PABIR2: variants seen among roughly 807,000 people sequenced by gnomAD.
PABIR2 encodes the protein PABIR family member 2.
A neutral mutation model predicts 22.8 loss-of-function variants in PABIR2; 7 were observed. That is an observed-to-expected ratio of 0.31 (90% CI 0.17 to 0.58). The LOEUF is 0.58. PABIR2 is among the 20% of genes least tolerant of loss of function. PABIR2 has a pLI of 0.89. For missense variants in PABIR2, 155 were observed against 205.1 expected, an observed-to-expected ratio of 0.76 and a Z score of 1.49; for synonymous variants, 67 against 73.8, an observed-to-expected ratio of 0.91 and a Z score of 0.47.
intron 9 of PABIR2, among the ~76,000 whole-genome samples, chrX:134,775,518 C>CAAA (rs773542327): frequency 3.2e-4 from 8 of 25,187 alleles, no homozygotes; most frequent in Admixed American, 4.6e-4. Context: ...GACTCCGTCT[C>CAAA]AAAAAAAAAA....
At chrX:134,794,273 C>A (rs965648727) in intron 1 of PABIR2, among the ~76,000 whole-genome samples, 5 of 111,392 alleles carry the variant, frequency 4.5e-5, no homozygotes, top group Non-Finnish European at 9.4e-5. Context: ...TCTGTGTTTG[C>A]CATGATGCGA....
chrX:134,794,441 C>A (rs2079646692), intron 1 of PABIR2, among the ~76,000 whole-genome samples: 1 of 111,247 alleles, frequency 9.0e-6, no homozygotes, highest in Non-Finnish European at 1.9e-5. Context: ...CTCCTGCCAA[C>A]ATCTATTAAA....
chrX:134,796,146 C>T lies in PABIR2; in HGVS notation c.60G>A (p.Leu20=). 1 of 1,211,057 alleles carries T rather than the reference C, an allele frequency of 8.3e-7. No individual in the cohort carries two copies. The highest frequency in any genetic ancestry group is 2.2e-5 in the Admixed American group (1 of 45,964). Residue 20 remains leucine (L), a synonymous_variant, in exon 1 of 10, where the codon CTG becomes CTA. Transcript: ENST00000343004. ...TTAGGGGAGCGCTGCTGGATCTCCT[C>T]AGGGTTCCCCCATAAGATGTGTCAG... is the stretch of plus-strand genomic sequence containing the variant. ...LEPDTSYGGT[L]RRSSSAPLIH...
At chrX:134,789,429 G>A (rs750627230) in intron 3 of PABIR2, 151 bp downstream of exon 3, 12 of 828,356 alleles carry the variant, frequency 1.4e-5, no homozygotes, top group East Asian at 3.4e-5. Context: ...CATTCATGCC[G>A]CTTGTATATT....
chrX:134,770,129 G>A lies in PABIR2; in HGVS notation c.*2010C>T, dbSNP rs1182466088. The A allele has an allele frequency of 8.9e-6, 1 of 112,030 alleles. No individual in the cohort carries two copies. The highest frequency in any genetic ancestry group is 3.7e-4 in the South Asian group (1 of 2,693). 9.2% of individuals were successfully genotyped at this position (112,030 alleles called of 1,213,427 possible). A position where few individuals can be genotyped will look rare whatever the true frequency, so the allele number is the denominator to read the frequency against. On this transcript the variant is annotated 3_prime_UTR_variant, in exon 10 of 10. Transcript: ENST00000343004. Reference sequence around the variant, plus strand: ...TGTTAAGTTCGAGCCTAAAAATGATGGCCAAGTGTCCCTTTAAGGCAAAGA... The same window carrying A: ...TGTTAAGTTCGAGCCTAAAAATGATAGCCAAGTGTCCCTTTAAGGCAAAGA...
chrX:134,776,460 G>C (rs1167092796), intron 9 of PABIR2, among the ~76,000 whole-genome samples: 21 of 110,819 alleles, frequency 1.9e-4, no homozygotes, highest in Non-Finnish European at 1.9e-5. Flanking sequence ...CAGATTAAGA[G>C]CTCCCAGTGT....
Position 134,771,718 on chromosome X carries a change from C to G in PABIR2, c.*421G>C. On this transcript the variant is annotated 3_prime_UTR_variant, in exon 10 of 10. Coordinates refer to ENST00000343004, the MANE Select transcript of PABIR2 (RefSeq NM_001387468.1). ...AAAGAGAGATTTGAAACTATGTAGT[C>G]AACAGAGGACAAAAAAAAATCTCTC... is the stretch of plus-strand genomic sequence containing the variant. The G allele has an allele frequency of 1.3e-6, 1 of 790,189 alleles. No individual in the cohort carries two copies. Among genetic ancestry groups the G allele is most frequent in the East Asian group, 1.1e-4 (1 of 9,393 alleles). 65.1% of individuals were successfully genotyped at this position (790,189 alleles called of 1,213,427 possible). A position where few individuals can be genotyped will look rare whatever the true frequency, so the allele number is the denominator to read the frequency against.
chrX:134,773,349 C>T (rs963464736), intron 9 of PABIR2, among the ~76,000 whole-genome samples: 3 of 109,526 alleles, frequency 2.7e-5, no homozygotes, highest in Non-Finnish European at 3.8e-5. Context: ...TTAAAACAGA[C>T]GTGGTCCCAG....
chrX:134,781,224 A>T (rs779254547), intron 9 of PABIR2, among the ~76,000 whole-genome samples: 1 of 112,915 alleles, frequency 8.9e-6, no homozygotes, highest in South Asian at 3.6e-4. Context: ...AATACTGTTG[A>T]CTTTGAAATA....
At position 134,771,194 on chromosome X, in the gene PABIR2, G is replaced by T; in HGVS notation, c.*945C>A. ...TATACATCCCTTATAGCATGACAAT[G>T]TACCCCAAGGCACCTGAGGCCTCAT... On this transcript the variant is annotated 3_prime_UTR_variant, in exon 10 of 10. Transcript: ENST00000343004. 1 of 807,186 alleles carries T rather than the reference G, an allele frequency of 1.2e-6. No homozygotes were observed. Among genetic ancestry groups the T allele is most frequent in the Non-Finnish European group, 1.7e-6 (1 of 596,198 alleles). The allele number at this position is 807,186 out of a possible 1,213,427, so 66.5% of individuals were successfully genotyped here.
chrX:134,796,226 C>A lies in PABIR2; in HGVS notation c.-21G>T. 8.5e-7 allele frequency: 1 copy of A among 1,172,563 alleles called. No homozygotes were observed. Among genetic ancestry groups the A allele is most frequent in the Non-Finnish European group, 1.2e-6 (1 of 862,530 alleles). ...GCCATGTCAGACTTGCAGGCAGGCA[C>A]AGCGGGCAGTGCTCAGCTCCTGGTG... is the stretch of plus-strand genomic sequence containing the variant. On this transcript the variant is annotated 5_prime_UTR_variant, in exon 1 of 10. Coordinates refer to ENST00000343004, the MANE Select transcript of PABIR2 (RefSeq NM_001387468.1).
intron 9 of PABIR2, 141 bp downstream of exon 9, chrX:134,781,680 T>A (rs926642052): frequency 7.5e-5 from 25 of 333,026 alleles, no homozygotes; most frequent in Non-Finnish European, 1.0e-4. Flanking sequence ...TATTGTCACA[T>A]CCCCAAAATA....
chrX:134,793,818 G>A lies in PABIR2; in HGVS notation c.174C>T (p.Ser58=). The A allele has an allele frequency of 8.3e-7, 1 of 1,208,303 alleles. No homozygotes were observed. Among genetic ancestry groups the A allele is most frequent in the Admixed American group, 2.2e-5 (1 of 45,977 alleles). Reference sequence around the variant, plus strand: ...AGATACTTACTTCTATACTTACCAGGCTGTGACGGCTCATAATTGTTGTAC... The same window carrying A: ...AGATACTTACTTCTATACTTACCAGACTGTGACGGCTCATAATTGTTGTAC... ...RNSTTIMSRH[S]LLLSSSPNRI... is the part of the protein sequence containing the mutation. The change falls in exon 2 of 10, where the codon AGC becomes AGT. Residue 58 remains serine (S), a synonymous_variant. Coordinates refer to ENST00000343004, the MANE Select transcript of PABIR2 (RefSeq NM_001387468.1).
chrX:134,769,671 A>C lies in PABIR2; in HGVS notation c.*2468T>G, dbSNP rs1193224826. ...ATTATTCCAAAAGCAGTAATCATGAAACAGTGATTATATAAGTCAATCAAG... is the reference window on the plus strand; with the variant it reads ...ATTATTCCAAAAGCAGTAATCATGACACAGTGATTATATAAGTCAATCAAG... On this transcript the variant is annotated 3_prime_UTR_variant, in exon 10 of 10. Transcript: ENST00000343004. 1 of 112,320 alleles carries C rather than the reference A, an allele frequency of 8.9e-6. No homozygotes were observed. The highest frequency in any genetic ancestry group is 1.9e-5 in the Non-Finnish European group (1 of 53,251). 9.3% of individuals were successfully genotyped at this position (112,320 alleles called of 1,213,427 possible).
chrX:134,787,555 T>G, intron 6 of PABIR2, 22 bp from the exon 7 acceptor site: 1 of 1,174,041 alleles, frequency 8.5e-7, no homozygotes, highest in Non-Finnish European at 1.2e-6. Context: ...GTGAAAAACA[T>G]TACTAGAAAA....
rs1201880239 is a variant in PABIR2, at chrX:134,796,911, G to T, written c.-706C>A. 9.0e-6 allele frequency: 1 copy of T among 111,355 alleles called. No individual in the cohort carries two copies. The highest frequency in any genetic ancestry group is 3.3e-5 in the African/African-American group (1 of 30,594). The allele number at this position is 111,355 out of a possible 1,213,427, so 9.2% of individuals were successfully genotyped here. ...TTGGCGGCTCCAGCTCCCCATGCTC[G>T]GGGACCCGGTCCAGCCCCCCATGCT... is the stretch of plus-strand genomic sequence containing the variant. On this transcript the variant is annotated 5_prime_UTR_variant, in exon 1 of 10. Coordinates refer to ENST00000343004, the MANE Select transcript of PABIR2 (RefSeq NM_001387468.1).
At chrX:134,783,013 G>A (rs912775659) in intron 8 of PABIR2, among the ~76,000 whole-genome samples, 5 of 111,488 alleles carry the variant, frequency 4.5e-5, no homozygotes, top group Admixed American at 9.6e-5. Context: ...GGTGTATTTC[G>A]GAATAGCTGT....
At chrX:134,777,697 G>A (rs1368630207) in intron 9 of PABIR2, among the ~76,000 whole-genome samples, 3 of 109,342 alleles carry the variant, frequency 2.7e-5, no homozygotes, top group Non-Finnish European at 5.7e-5. Context: ...TTAGCCGGGC[G>A]TGGTGGCACA....
chrX:134,771,277 G>A lies in PABIR2; in HGVS notation c.*862C>T. The stretch of plus-strand genomic sequence containing the variant: ...CGCTTTTGTACACAGTGGTTTGTGT[G>A]TAAATAACTATTCATTCATTTGTAG... On this transcript the variant is annotated 3_prime_UTR_variant, in exon 10 of 10. Transcript: ENST00000343004. 8.7e-7 allele frequency: 1 copy of A among 1,151,133 alleles called. No individual in the cohort carries two copies. The highest frequency in any genetic ancestry group is 3.3e-5 in the East Asian group (1 of 30,549). 94.9% of individuals were successfully genotyped at this position (1,151,133 alleles called of 1,213,427 possible).
Sources: allele counts gnomAD v4.1 joint callset (sites outside exome capture counted in the v4.1 genomes callset), GRCh38; gene constraint gnomAD v4.1.1; transcripts MANE v1.5; gene names NCBI Gene and HGNC (gene_info 2026-07-23, HGNC 2026-07-21).